Variants in STMN4 observed in about 807,000 individuals in gnomAD.
STMN4 encodes the protein stathmin-4.
Under a neutral mutation model 29.1 loss-of-function variants are expected in STMN4, and 12 were observed. That is an observed-to-expected ratio of 0.41 (90% CI 0.26 to 0.67). The LOEUF is 0.67. STMN4 is among the 30% of genes least tolerant of loss of function. The pLI, the probability that STMN4 is intolerant of heterozygous loss-of-function variation, is 0.30. For synonymous variants in STMN4, 114 were observed against 105.3 expected (o/e 1.08, Z -0.51); for missense variants, 181 against 262.8 (o/e 0.69, Z 2.15).
intron 1 of STMN4, among the ~76,000 whole-genome samples, chr8:27,250,882 A>G (rs1801762278): frequency 6.6e-6 from 1 of 152,244 alleles, no homozygotes; most frequent in South Asian, 2.1e-4. Flanking sequence ...AGGAAAATTA[A>G]ACTGGAAAAG....
In STMN4 at chr8:27,236,797, G is replaced by T; in HGVS notation, c.*49C>A. ...CGGGCGAGGCTGCCTGGAACGTGGA[G>T]CTGCTGGAGCTGTCCGGCTGACCTG... On this transcript the variant is annotated 3_prime_UTR_variant, in exon 7 of 7. Coordinates refer to ENST00000350889, the MANE Select transcript of STMN4 (RefSeq NM_030795.4). The T allele has an allele frequency of 6.6e-7, 1 of 1,517,078 alleles. No individual in the cohort carries two copies. The highest frequency in any genetic ancestry group is 8.8e-7 in the Non-Finnish European group (1 of 1,132,104). 94.0% of individuals were successfully genotyped at this position (1,517,078 alleles called of 1,614,324 possible).
At chr8:27,242,885 C>G (rs1801517008) in intron 2 of STMN4, among the ~76,000 whole-genome samples, 3 of 152,330 alleles carry the variant, frequency 2.0e-5, no homozygotes, top group Admixed American at 1.3e-4. Context: ...GACCCACACT[C>G]CATTCTACTC....
intron 1 of STMN4, among the ~76,000 whole-genome samples, chr8:27,249,666 G>C (rs912270745): frequency 2.0e-5 from 3 of 152,318 alleles, no homozygotes; most frequent in Admixed American, 2.0e-4. Flanking sequence ...TGAATGAGAA[G>C]ATGGATACAC....
Position 27,242,249 on chromosome 8 carries a change from G to A in STMN4, c.109+148C>T, listed in dbSNP as rs183193130. 151 of 802,016 alleles carry A rather than the reference G, an allele frequency of 1.9e-4. 2 individuals carry two copies. In the East Asian group the frequency reaches 4.0e-3, roughly 21 times the overall value. The allele number at this position is 802,016 out of a possible 1,614,324, so 49.7% of individuals were successfully genotyped here. On this transcript the variant is annotated intron_variant, in intron 3 of 6. Transcript: ENST00000350889. ...CTGGACCACTGCAGCTCAGACCCTC[G>A]GGCTCACCCGCTGTGATTTCATCGG...
Position 27,241,706 on chromosome 8 carries a change from C to T in STMN4, c.161G>A (p.Ser54Asn), listed in dbSNP as rs768705612. The change falls in exon 4 of 7, where the codon AGT becomes AAT. Residue 54 changes from serine (S) to asparagine (N), a missense_variant. By Grantham distance (46) the Ser-to-Asn change is conservative. Coordinates refer to ENST00000350889, the MANE Select transcript of STMN4 (RefSeq NM_030795.4). ...RRKDESQRKD[S>N]ADWRERRAQA... ...AGCTCTTCTTTCTCTCCAGTCAGCA[C>T]TGTCTTTCCGCTGGCTTTCATCCTT... 2.3e-5 allele frequency: 37 copies of T among 1,614,082 alleles called. No individual in the cohort carries two copies. The highest frequency in any genetic ancestry group is 3.0e-5 in the Non-Finnish European group (35 of 1,180,036).
chr8:27,237,555 G>A (rs1801345545), intron 6 of STMN4, among the ~76,000 whole-genome samples: 1 of 152,198 alleles, frequency 6.6e-6, no homozygotes, highest in Non-Finnish European at 1.5e-5. Flanking sequence ...GTGCCCAGGT[G>A]TGGACTCTTA....
At chr8:27,244,796 TCTGGGAGGATCAGA>T (rs1801579379) in intron 1 of STMN4, among the ~76,000 whole-genome samples, 1 of 151,968 alleles carries the variant, frequency 6.6e-6, no homozygotes, top group Non-Finnish European at 1.5e-5. Flanking sequence ...AAGGAGCAGA[TCTGGGAGGATCAGA>T]GGGGTGGAGG....
At chr8:27,247,191 G>T (rs1444151613) in intron 1 of STMN4, among the ~76,000 whole-genome samples, 3 of 150,396 alleles carry the variant, frequency 2.0e-5, no homozygotes, top group African/African-American at 4.9e-5. Flanking sequence ...GCAGGCGAAG[G>T]TTGCAGTGAG....
At chr8:27,242,958 C>T (rs915234895) in intron 2 of STMN4, among the ~76,000 whole-genome samples, 9 of 152,194 alleles carry the variant, frequency 5.9e-5, no homozygotes, top group Non-Finnish European at 1.2e-4. Flanking sequence ...CCGTCCTCAC[C>T]ACCATCCCTC....
In STMN4 at chr8:27,243,813, G is replaced by T. The variant is rs1801547338; in HGVS notation, c.-78-12C>A. ...ACGCTGTCACCAACCTGAGAAAAGG[G>T]GAGGACAGGATTTTACCATCGATGG... On this transcript the variant is annotated splice_polypyrimidine_tract_variant and intron_variant, in intron 1 of 6. Coordinates refer to ENST00000350889, the MANE Select transcript of STMN4 (RefSeq NM_030795.4). The T allele has an allele frequency of 1.2e-6, 2 of 1,612,374 alleles. 1 individual carries two copies. Among genetic ancestry groups the T allele is most frequent in the Admixed American group, 3.3e-5 (2 of 59,980 alleles).
At chr8:27,240,261 C>T in intron 5 of STMN4, 99 bp from the exon 6 acceptor site, 1 of 1,307,944 alleles carries the variant, frequency 7.6e-7, no homozygotes, top group Admixed American at 2.5e-5. Flanking sequence ...AGAACACTCA[C>T]CTCCCTGGGC....
chr8:27,238,606 A>G (rs1271906278), intron 6 of STMN4, among the ~76,000 whole-genome samples: 1 of 152,204 alleles, frequency 6.6e-6, no homozygotes, highest in African/African-American at 2.4e-5. Flanking sequence ...CTCGGCCTCC[A>G]AAGTCTCTCT....
intron 1 of STMN4, among the ~76,000 whole-genome samples, chr8:27,257,570 A>G (rs1227058862): frequency 6.6e-6 from 1 of 151,722 alleles, no homozygotes; most frequent in Non-Finnish European, 1.5e-5. Context: ...TCTTCCTGGG[A>G]GAAATAAAAC....
At chr8:27,249,377 G>A (rs1801720496) in intron 1 of STMN4, among the ~76,000 whole-genome samples, 1 of 152,204 alleles carries the variant, frequency 6.6e-6, no homozygotes, top group East Asian at 1.9e-4. Flanking sequence ...CAATGGTCAT[G>A]AAACTGAGGA....
intron 6 of STMN4, chr8:27,239,652 T>G: frequency 4.4e-6 from 6 of 1,373,892 alleles, no homozygotes; most frequent in Non-Finnish European, 5.7e-6. Flanking sequence ...GCATACCTGC[T>G]TGTCTATCTC....
rs371771900 is a variant in STMN4, at chr8:27,236,753, G to C, written c.*93C>G. ...GCCACCCCCCTCCCCCCAAACCCCAGTGCTGGGAGCGCAGCCGGCGGGCGA... is the reference window on the plus strand; with the variant it reads ...GCCACCCCCCTCCCCCCAAACCCCACTGCTGGGAGCGCAGCCGGCGGGCGA... On this transcript the variant is annotated 3_prime_UTR_variant, in exon 7 of 7. Transcript: ENST00000350889. The C allele has an allele frequency of 3.8e-4, 362 of 951,356 alleles. No homozygotes were observed. Among genetic ancestry groups the C allele is most frequent in the Non-Finnish European group, 4.6e-4 (310 of 670,308 alleles). 58.9% of individuals were successfully genotyped at this position (951,356 alleles called of 1,614,324 possible).
chr8:27,241,623 C>T, intron 4 of STMN4, 54 bp downstream of exon 4: 1 of 1,607,288 alleles, frequency 6.2e-7, no homozygotes, highest in Non-Finnish European at 8.5e-7. Flanking sequence ...CCACCCCCGG[C>T]CACAGCCCAT....
At chr8:27,252,247 C>T (rs1319166145) in intron 1 of STMN4, among the ~76,000 whole-genome samples, 1 of 152,014 alleles carries the variant, frequency 6.6e-6, no homozygotes, top group East Asian at 1.9e-4. Flanking sequence ...TCTTTGCTAT[C>T]GTGAATAATG....
At chr8:27,256,036 G>C (rs1801930300) in intron 1 of STMN4, among the ~76,000 whole-genome samples, 1 of 152,140 alleles carries the variant, frequency 6.6e-6, no homozygotes, top group Non-Finnish European at 1.5e-5. Flanking sequence ...TTTTTTACTT[G>C]GGAATAGGGA....
Sources: allele counts gnomAD v4.1 joint callset (sites outside exome capture counted in the v4.1 genomes callset), GRCh38; gene constraint gnomAD v4.1.1; transcripts MANE v1.5; gene names NCBI Gene and HGNC (gene_info 2026-07-23, HGNC 2026-07-21).